The following MOB3B variants were observed in gnomAD, a reference collection of about 807,000 sequenced individuals.
MOB3B encodes MOB kinase activator-like 2B.
In MOB3B, 7 loss-of-function variants were observed where a neutral mutation model predicts 18.7. The observed-to-expected ratio is 0.37, with a 90% CI of 0.21 to 0.70. The LOEUF is 0.70. MOB3B is among the 30% of genes least tolerant of loss of function. MOB3B has a pLI of 0.52. For synonymous variants in MOB3B, 111 were observed against 99.9 expected (o/e 1.11, Z -0.66); for missense variants, 253 against 281.3 (o/e 0.90, Z 0.72).
chr9:27,370,257 C>T lies in MOB3B; in HGVS notation c.419-11021G>A, dbSNP rs929762583. 2.0e-5 allele frequency among the ~76,000 whole-genome samples: 3 copies of T among 152,090 alleles called. No homozygotes were observed. In the East Asian group the frequency reaches 5.8e-4, roughly 29 times the overall value. The stretch of plus-strand genomic sequence containing the variant: ...GGCGCGGTCGCTCAGGCCTGTAATC[C>T]CAGCACTTTGGGAGGCTAAGGTGGG... On this transcript the variant is annotated intron_variant, in intron 2 of 3. Transcript: ENST00000262244.
At chr9:27,492,337 G>GA (rs1819831579) in intron 1 of MOB3B, among the ~76,000 whole-genome samples, 1 of 152,074 alleles carries the variant, frequency 6.6e-6, no homozygotes, top group Admixed American at 6.5e-5. Flanking sequence ...AGATTAAATA[G>GA]AAAAAACTTG....
chr9:27,492,584 A>G (rs1819834944), intron 1 of MOB3B, among the ~76,000 whole-genome samples: 1 of 152,178 alleles, frequency 6.6e-6, no homozygotes. Context: ...ATAGGATTTA[A>G]CCATTTACCA....
chr9:27,510,140 G>C (rs897970262), intron 1 of MOB3B, among the ~76,000 whole-genome samples: 1 of 152,176 alleles, frequency 6.6e-6, no homozygotes, highest in African/African-American at 2.4e-5. Context: ...TGACTCATTT[G>C]ATGAAAATCA....
intron 2 of MOB3B, among the ~76,000 whole-genome samples, chr9:27,380,262 AT>A (rs551179750): frequency 0.096 from 12,995 of 135,322 alleles, 693 homozygotes; most frequent in South Asian, 0.17. Context: ...AAGAGATAGG[AT>A]TTTTTTTTTT....
intron 3 of MOB3B, among the ~76,000 whole-genome samples, chr9:27,353,247 T>C (rs541584846): frequency 6.6e-6 from 1 of 152,368 alleles, no homozygotes; most frequent in South Asian, 2.1e-4. Flanking sequence ...TCCTCTCAGA[T>C]GTACTGAATC....
intron 2 of MOB3B, among the ~76,000 whole-genome samples, chr9:27,414,925 G>A (rs1212273137): frequency 2.0e-5 from 3 of 151,874 alleles, no homozygotes; most frequent in Non-Finnish European, 4.4e-5. Flanking sequence ...GCAGTGGTGC[G>A]ATCTTGGCTC....
chr9:27,504,118 T>C (rs1820025705), intron 1 of MOB3B, among the ~76,000 whole-genome samples: 1 of 152,250 alleles, frequency 6.6e-6, no homozygotes, highest in Non-Finnish European at 1.5e-5. Flanking sequence ...TGCTTCATCA[T>C]CTTTTGCTCA....
chr9:27,388,891 T>C lies in MOB3B; in HGVS notation c.419-29655A>G, dbSNP rs138970747. Reference sequence around the variant, plus strand: ...AGATCCTATCGATGCCACTCCTAAATTCATCTTGAAAGTTTCCTCTTCCCT... The same window carrying C: ...AGATCCTATCGATGCCACTCCTAAACTCATCTTGAAAGTTTCCTCTTCCCT... On this transcript the variant is annotated intron_variant, in intron 2 of 3. Coordinates refer to ENST00000262244, the MANE Select transcript of MOB3B (RefSeq NM_024761.5). Among the ~76,000 whole-genome samples, 21 of 152,212 alleles carry C rather than the reference T, an allele frequency of 1.4e-4. No homozygotes were observed. The East Asian group carries it at 2.5e-3, about 18-fold the overall frequency.
intron 3 of MOB3B, among the ~76,000 whole-genome samples, chr9:27,354,331 G>T (rs183060806): frequency 2.0e-5 from 3 of 152,306 alleles, no homozygotes; most frequent in South Asian, 4.1e-4. Flanking sequence ...AAACAGAGAG[G>T]GTTGGTTATC....
intron 3 of MOB3B, among the ~76,000 whole-genome samples, chr9:27,353,431 G>A (rs1350632688): frequency 2.0e-5 from 3 of 151,778 alleles, no homozygotes; most frequent in East Asian, 1.9e-4. Context: ...TCTGATGCAC[G>A]TGTGTGTGTG....
At position 27,420,548 on chromosome 9, in the gene MOB3B, CATATATATATATATATATATATAT is replaced by C. The variant is rs55684272; in HGVS notation, c.418+34561_418+34584del. On this transcript the variant is annotated intron_variant, in intron 2 of 3. Coordinates refer to ENST00000262244, the MANE Select transcript of MOB3B (RefSeq NM_024761.5). ...ATCTATATATTCCATCTGTATATTC[CATATATATATATATATATATATAT>C]ATATATATATATATATATATATATG... is the stretch of plus-strand genomic sequence containing the variant. Among the ~76,000 whole-genome samples, 90 of 31,084 alleles carry C rather than the reference CATATATATATATATATATATATAT, an allele frequency of 2.9e-3. 1 individual carries two copies. The highest frequency in any genetic ancestry group is 0.014 in the South Asian group (12 of 888). The allele number at this position is 31,084 out of a possible 152,430, so 20.4% of individuals were successfully genotyped here.
At chr9:27,347,361 C>T (rs1312702234) in intron 3 of MOB3B, among the ~76,000 whole-genome samples, 1 of 152,258 alleles carries the variant, frequency 6.6e-6, no homozygotes, top group Non-Finnish European at 1.5e-5. Flanking sequence ...TATGCCTGCA[C>T]ATAGAAGCAG....
intron 1 of MOB3B, among the ~76,000 whole-genome samples, chr9:27,521,079 C>T (rs1439062400): frequency 1.3e-5 from 2 of 152,282 alleles, no homozygotes; most frequent in East Asian, 3.9e-4. Flanking sequence ...GGAGTCCTTG[C>T]TCTTGGGGAA....
At chr9:27,379,537 GTT>G (rs1430125335) in intron 2 of MOB3B, among the ~76,000 whole-genome samples, 1 of 152,164 alleles carries the variant, frequency 6.6e-6, no homozygotes, top group East Asian at 1.9e-4. Context: ...GGAAGATGAA[GTT>G]TCCTGCCCAA....
At chr9:27,438,811 T>G (rs1398345287) in intron 2 of MOB3B, among the ~76,000 whole-genome samples, 1 of 152,136 alleles carries the variant, frequency 6.6e-6, no homozygotes, top group African/African-American at 2.4e-5. Context: ...CAACATGTTT[T>G]AGGGCTAAAA....
chr9:27,464,196 T>C (rs1819340243), intron 1 of MOB3B, among the ~76,000 whole-genome samples: 1 of 151,454 alleles, frequency 6.6e-6, no homozygotes, highest in Non-Finnish European at 1.5e-5. Context: ...TGTTTACGAA[T>C]AAGAAATAGG....
intron 1 of MOB3B, among the ~76,000 whole-genome samples, chr9:27,481,066 A>T (rs899871479): frequency 6.6e-6 from 1 of 152,198 alleles, no homozygotes; most frequent in Non-Finnish European, 1.5e-5. Context: ...GAATTTAGTA[A>T]GTTAAAGACG....
intron 1 of MOB3B, among the ~76,000 whole-genome samples, chr9:27,506,817 A>C (rs936120289): frequency 1.4e-5 from 2 of 147,872 alleles, no homozygotes; most frequent in African/African-American, 5.0e-5. Context: ...GGCGTGAGCC[A>C]CCACACCCCG....
intron 3 of MOB3B, among the ~76,000 whole-genome samples, chr9:27,336,419 A>G (rs1820864039): frequency 6.6e-6 from 1 of 152,190 alleles, no homozygotes; most frequent in Non-Finnish European, 1.5e-5. Flanking sequence ...CACCAGGAGA[A>G]AGGGGGAGGA....
Sources: gnomAD v4.1 joint callset for allele counts (sites outside exome capture counted in the v4.1 genomes callset) on GRCh38, gnomAD v4.1.1 for gene constraint, MANE v1.5 for transcripts, NCBI Gene and HGNC (gene_info 2026-07-23, HGNC 2026-07-21) for gene names.